Variants in GPR155 observed in about 807,000 individuals in gnomAD.
GPR155 encodes lysosomal cholesterol signaling protein.
Under a neutral mutation model 93.1 loss-of-function variants are expected in GPR155, and 65 were observed. The ratio of observed to expected loss-of-function variants is 0.70; its 90% CI spans 0.57 to 0.86. The LOEUF is 0.86. GPR155 is among the 40% of genes least tolerant of loss of function. GPR155 has a pLI of 0.00. For synonymous variants in GPR155, 319 were observed against 360.1 expected, an observed-to-expected ratio of 0.89 and a Z score of 1.29; for missense variants, 838 against 1,034.8, an observed-to-expected ratio of 0.81 and a Z score of 2.61.
intron 2 of GPR155, among the ~76,000 whole-genome samples, chr2:174,480,262 C>T (rs1484564663): frequency 6.6e-6 from 1 of 152,082 alleles, no homozygotes; most frequent in South Asian, 2.1e-4. Context: ...TTTTTATGGC[C>T]CTTGTCACCA....
At chr2:174,439,867 T>C (rs779055388) in intron 15 of GPR155, 31 bp downstream of exon 15, 1 of 1,579,770 alleles carries the variant, frequency 6.3e-7, no homozygotes, top group South Asian at 1.1e-5. Context: ...AAAATATAAT[T>C]GTCTAGAACC....
rs1386377051 is a variant in GPR155 at position 174,459,968 on chromosome 2, T to C, written c.1681A>G (p.Lys561Glu). 5.6e-6 allele frequency: 9 copies of C among 1,614,156 alleles called. No individual in the cohort carries two copies. The highest frequency in any genetic ancestry group is 2.2e-5 in the East Asian group (1 of 44,878). The change falls in exon 10 of 16, where the codon AAA becomes GAA. Residue 561 changes from lysine to glutamate, a missense_variant. Transcript: ENST00000392552. Reference sequence around the variant, plus strand: ...GCAGTATTTCCAGGCTCCACCACTTTGTGGCTCTGAGACTGATCGAAACCT... The same window carrying C: ...GCAGTATTTCCAGGCTCCACCACTTCGTGGCTCTGAGACTGATCGAAACCT... ...YEGFDQSQSH[K>E]VVEPGNTAFE...
chr2:174,464,873 G>C (rs1559111801), intron 7 of GPR155, among the ~76,000 whole-genome samples: 1 of 152,002 alleles, frequency 6.6e-6, no homozygotes, highest in Non-Finnish European at 1.5e-5. Context: ...ACTTCAAAAG[G>C]CTGTTGACTG....
intron 14 of GPR155, 100 bp from the exon 15 acceptor site, chr2:174,440,135 C>T (rs1686912287): frequency 1.1e-6 from 1 of 909,042 alleles, no homozygotes; most frequent in Non-Finnish European, 1.7e-6. Flanking sequence ...CCAAAGCTGT[C>T]GATCACCAAA....
chr2:174,446,171 G>A (rs7569879), intron 12 of GPR155, among the ~76,000 whole-genome samples: 24,041 of 151,792 alleles, frequency 0.16, 2,282 homozygotes, highest in Non-Finnish European at 0.23. Flanking sequence ...GCCAGGCATG[G>A]TGGCATGCGC....
chr2:174,436,482 A>ACAAG, intron 15 of GPR155, 66 bp from the exon 16 acceptor site: 1 of 1,432,106 alleles, frequency 7.0e-7, no homozygotes, highest in Admixed American at 1.9e-5. Context: ...ATGATAGAGG[A>ACAAG]CAAGCAAGAA....
intron 2 of GPR155, among the ~76,000 whole-genome samples, chr2:174,479,533 T>C (rs1226138906): frequency 2.0e-5 from 3 of 152,160 alleles, no homozygotes; most frequent in Non-Finnish European, 4.4e-5. Flanking sequence ...AAAATGAGGA[T>C]AAAAATATCT....
In GPR155 at chr2:174,438,748, C is replaced by T. The variant is rs571764988; in HGVS notation, c.2312+1150G>A. Among the ~76,000 whole-genome samples, 6 of 152,256 alleles carry T rather than the reference C, an allele frequency of 3.9e-5. No homozygotes were observed. The South Asian group carries it at 1.2e-3, about 32-fold the overall frequency. ...TCTTGAACTCCTGACCTCAGGTGAC[C>T]CTCCCACCTTGGCCTCCTAAAGTGC... On this transcript the variant is annotated intron_variant, in intron 15 of 15. Transcript: ENST00000392552.
At chr2:174,474,430 G>A (rs998007135) in intron 2 of GPR155, among the ~76,000 whole-genome samples, 1 of 152,148 alleles carries the variant, frequency 6.6e-6, no homozygotes, top group African/African-American at 2.4e-5. Context: ...GTTTGGGAGG[G>A]AAATACAGTA....
rs773139053 is a variant in GPR155 at position 174,453,718 on chromosome 2, A to G, written c.1876+19T>C. ...TCTTCTGTCCCTTAATCCCATCCTC[A>G]TAGTCCAGAGGCACTTACTTTTCTC... On this transcript the variant is annotated intron_variant, in intron 11 of 15. Coordinates refer to ENST00000392552, the MANE Select transcript of GPR155 (RefSeq NM_152529.7). The G allele has an allele frequency of 8.4e-6, 11 of 1,301,988 alleles. No individual in the cohort carries two copies. The highest frequency in any genetic ancestry group is 1.4e-5 in the African/African-American group (1 of 69,318). 80.7% of individuals were successfully genotyped at this position (1,301,988 alleles called of 1,614,324 possible).
chr2:174,463,163 C>T lies in GPR155; in HGVS notation c.1385-1491G>A, dbSNP rs548995581. On this transcript the variant is annotated intron_variant, in intron 7 of 15. Transcript: ENST00000392552. ...TCAGTGGTAGTCAGCTGTGTATCCA[C>T]CTTGCAACCAACATGCAGTCTCATG... Among the ~76,000 whole-genome samples the T allele has an allele frequency of 1.1e-4, 16 of 150,760 alleles. No homozygotes were observed. The South Asian group carries it at 2.7e-3, about 26-fold the overall frequency.
At chr2:174,440,429 A>G (rs1417367084) in intron 14 of GPR155, among the ~76,000 whole-genome samples, 1 of 152,154 alleles carries the variant, frequency 6.6e-6, no homozygotes, top group Admixed American at 6.6e-5. Flanking sequence ...AGTACCACAG[A>G]GACAAATACC....
intron 13 of GPR155, 44 bp from the exon 14 acceptor site, chr2:174,442,227 A>C (rs750692458): frequency 9.8e-7 from 1 of 1,015,856 alleles, no homozygotes; most frequent in South Asian, 1.3e-5. Flanking sequence ...TTCAACAATA[A>C]CATTTTAAAA....
In GPR155 at chr2:174,478,554, C is replaced by T. The variant is rs1212870826; in HGVS notation, c.460+2943G>A. Among the ~76,000 whole-genome samples the T allele has an allele frequency of 5.9e-5, 9 of 152,270 alleles. No homozygotes were observed. In the East Asian group the frequency reaches 1.7e-3, roughly 29 times the overall value. On this transcript the variant is annotated intron_variant, in intron 2 of 15. Transcript: ENST00000392552. The stretch of plus-strand genomic sequence containing the variant: ...AGTTGCAACATGCACTATTCTGTTA[C>T]TGGAGTAATAATACATCATTTTAAT...
chr2:174,450,090 G>A (rs971074588), intron 11 of GPR155, among the ~76,000 whole-genome samples: 3 of 151,044 alleles, frequency 2.0e-5, no homozygotes, highest in Non-Finnish European at 4.4e-5. Flanking sequence ...CAGTTGCAGT[G>A]AGCTGTGCAC....
At chr2:174,485,599 GAA>G (rs568658592) in intron 1 of GPR155, among the ~76,000 whole-genome samples, 4 of 61,280 alleles carry the variant, frequency 6.5e-5, no homozygotes, top group Admixed American at 1.8e-4. Context: ...TCCGTCTCAA[GAA>G]AAAAAAAAAA....
intron 15 of GPR155, among the ~76,000 whole-genome samples, chr2:174,439,377 TG>T (rs1421031734): frequency 1.3e-5 from 2 of 152,194 alleles, no homozygotes; most frequent in Non-Finnish European, 2.9e-5. Context: ...AAAGAGAACC[TG>T]CTATATACTT....
At chr2:174,471,326 A>C (rs1687990584) in intron 3 of GPR155, among the ~76,000 whole-genome samples, 1 of 141,410 alleles carries the variant, frequency 7.1e-6, no homozygotes, top group Non-Finnish European at 1.5e-5. Flanking sequence ...CAGGAGGTGG[A>C]GGTGCAGTGA....
At chr2:174,442,938 G>A (rs1296076697) in intron 13 of GPR155, among the ~76,000 whole-genome samples, 8 of 152,118 alleles carry the variant, frequency 5.3e-5, no homozygotes, top group African/African-American at 9.7e-5. Context: ...GAACCACTTC[G>A]GCCTTAAGTT....
Sources: gnomAD v4.1 joint callset for allele counts (sites outside exome capture counted in the v4.1 genomes callset) on GRCh38, gnomAD v4.1.1 for gene constraint, MANE v1.5 for transcripts, NCBI Gene and HGNC (gene_info 2026-07-23, HGNC 2026-07-21) for gene names.